Variants in MEI4 observed in about 807,000 individuals in gnomAD.
MEI4 encodes meiotic double-stranded break formation protein 4.
MEI4 carries 27 observed loss-of-function variants against 31.4 expected under a neutral mutation model. That is an observed-to-expected ratio of 0.86 (90% CI 0.63 to 1.19). MEI4 has a LOEUF of 1.19. MEI4 is among the 50% of genes most tolerant of loss of function. The pLI is 0.00. For missense variants in MEI4, 329 were observed against 398.9 expected (o/e 0.82, Z 1.49); for synonymous variants, 122 against 145.4 (o/e 0.84, Z 1.16).
intron 3 of MEI4, among the ~76,000 whole-genome samples, chr6:77,807,934 A>G (rs150999441): frequency 9.5e-4 from 145 of 152,300 alleles, no homozygotes; most frequent in Middle Eastern, 6.8e-3. Context: ...CGACCATTGC[A>G]TCTTTTTGAG....
chr6:77,744,259 C>T (rs1347257334), intron 2 of MEI4, among the ~76,000 whole-genome samples: 3 of 151,950 alleles, frequency 2.0e-5, no homozygotes, highest in South Asian at 4.2e-4. Flanking sequence ...ATAACCAATA[C>T]AGAGAAGTAC....
intron 4 of MEI4, among the ~76,000 whole-genome samples, chr6:77,917,748 C>A (rs1457291012): frequency 1.3e-5 from 2 of 150,316 alleles, no homozygotes; most frequent in African/African-American, 2.5e-5. Flanking sequence ...GTTTCTTTTG[C>A]TGTGCAGAAG....
At chr6:77,663,479 T>C (rs890983313) in intron 1 of MEI4, among the ~76,000 whole-genome samples, 2 of 152,060 alleles carry the variant, frequency 1.3e-5, no homozygotes, top group Non-Finnish European at 2.9e-5. Context: ...ATAGCTGTAG[T>C]CCAGGAATAG....
intron 3 of MEI4, among the ~76,000 whole-genome samples, chr6:77,773,475 A>G (rs902623010): frequency 6.6e-6 from 1 of 152,178 alleles, no homozygotes. Context: ...AAAGCTGGAT[A>G]TCTATATGTA....
intron 4 of MEI4, among the ~76,000 whole-genome samples, chr6:77,908,657 T>C (rs527563623): frequency 1.2e-4 from 19 of 152,220 alleles, no homozygotes; most frequent in Non-Finnish European, 2.2e-4. Flanking sequence ...ATATGAACTT[T>C]AAAGTAGCAA....
At chr6:77,694,630 T>C (rs1005587277) in intron 2 of MEI4, among the ~76,000 whole-genome samples, 2 of 152,172 alleles carry the variant, frequency 1.3e-5, no homozygotes, top group African/African-American at 2.4e-5. Context: ...CCATGGTGTA[T>C]ATGTGCCACA....
intron 3 of MEI4, among the ~76,000 whole-genome samples, chr6:77,795,617 T>C (rs58984619): frequency 0.032 from 4,905 of 151,774 alleles, 268 homozygotes; most frequent in African/African-American, 0.11. Context: ...ACCACAAAAA[T>C]GCAAAAAATC....
At chr6:77,808,997 G>T (rs985001372) in intron 3 of MEI4, among the ~76,000 whole-genome samples, 3 of 152,198 alleles carry the variant, frequency 2.0e-5, no homozygotes, top group African/African-American at 7.2e-5. Context: ...GAAGGAGCTG[G>T]CAGCTGAAGG....
chr6:77,875,420 CGT>C (rs1405297686), intron 4 of MEI4, among the ~76,000 whole-genome samples: 1 of 152,092 alleles, frequency 6.6e-6, no homozygotes, highest in Non-Finnish European at 1.5e-5. Flanking sequence ...CTATGTGATA[CGT>C]GTGATCAGTG....
chr6:77,769,568 C>A (rs1768257821), intron 3 of MEI4, among the ~76,000 whole-genome samples: 1 of 152,084 alleles, frequency 6.6e-6, no homozygotes, highest in Non-Finnish European at 1.5e-5. Context: ...CAACCCCAGG[C>A]AGTACAGATT....
intron 2 of MEI4, among the ~76,000 whole-genome samples, chr6:77,740,203 G>A (rs1767362824): frequency 6.6e-6 from 1 of 152,146 alleles, no homozygotes; most frequent in Admixed American, 6.6e-5. Context: ...ATTTGCTGAG[G>A]AGTTTTTTAT....
intron 4 of MEI4, among the ~76,000 whole-genome samples, chr6:77,868,384 ATTAT>A (rs1414318900): frequency 6.6e-6 from 1 of 150,616 alleles, no homozygotes; most frequent in African/African-American, 2.4e-5. Flanking sequence ...AATGTCTCAA[ATTAT>A]TTAATAAAAT....
chr6:77,743,003 A>G (rs375296390), intron 2 of MEI4, among the ~76,000 whole-genome samples: 15 of 152,058 alleles, frequency 9.9e-5, no homozygotes, highest in African/African-American at 3.6e-4. Flanking sequence ...TACCAGTACC[A>G]TGCTGTTTTG....
At chr6:77,829,117 TTTCTTTCTTTTCCC>T in intron 4 of MEI4, 55 bp downstream of exon 4, 1 of 1,167,916 alleles carries the variant, frequency 8.6e-7, no homozygotes, top group Middle Eastern at 3.2e-4. Flanking sequence ...ACTATATGTT[TTTCTTTCTTTTCCC>T]TTCTTTCTTC....
At chr6:77,865,030 C>A (rs1428163967) in intron 4 of MEI4, among the ~76,000 whole-genome samples, 1 of 151,952 alleles carries the variant, frequency 6.6e-6, no homozygotes, top group African/African-American at 2.4e-5. Context: ...TCTTTGAAAC[C>A]AACGAGAACA....
At chr6:77,784,421 T>G (rs897875794) in intron 3 of MEI4, among the ~76,000 whole-genome samples, 1 of 152,100 alleles carries the variant, frequency 6.6e-6, no homozygotes, top group Admixed American at 6.6e-5. Flanking sequence ...AAATGTTGGG[T>G]TGACATAACC....
intron 4 of MEI4, among the ~76,000 whole-genome samples, chr6:77,837,357 G>A (rs947889267): frequency 4.6e-5 from 7 of 152,194 alleles, no homozygotes; most frequent in East Asian, 1.9e-4. Context: ...AATAGAACAC[G>A]TTAAATTAAC....
chr6:77,874,098 G>A (rs1242030451), intron 4 of MEI4, among the ~76,000 whole-genome samples: 2 of 152,030 alleles, frequency 1.3e-5, no homozygotes, highest in East Asian at 3.9e-4. Context: ...GCTCTTTTTT[G>A]GTTCCATATG....
chr6:77,730,033 G>A (rs890021487), intron 2 of MEI4, among the ~76,000 whole-genome samples: 1 of 152,026 alleles, frequency 6.6e-6, no homozygotes. Flanking sequence ...TCAAAGTAGT[G>A]TCTTCAGTGT....
Sources: allele counts gnomAD v4.1 joint callset (sites outside exome capture counted in the v4.1 genomes callset), GRCh38; gene constraint gnomAD v4.1.1; transcripts MANE v1.5; gene names NCBI Gene and HGNC (gene_info 2026-07-23, HGNC 2026-07-21).